The following TMEM272 variants were observed in gnomAD, a reference collection of about 807,000 sequenced individuals.
TMEM272 encodes transmembrane protein 272, also known as long intergenic non-protein coding RNA 282.
A neutral mutation model predicts 3.7 loss-of-function variants in TMEM272; 8 were observed. The ratio of observed to expected loss-of-function variants is 2.17; its 90% CI spans 1.27 to 3.91. TMEM272 has a LOEUF of 3.91. TMEM272 is among the 30% of genes most tolerant of loss of function. TMEM272 has a pLI of 0.00. For missense variants in TMEM272, 166 were observed against 91.5 expected, an observed-to-expected ratio of 1.81 and a Z score of -3.32; for synonymous variants, 63 against 39.8, an observed-to-expected ratio of 1.58 and a Z score of -2.20.
the TMEM272 span, among the ~76,000 whole-genome samples, chr13:51,882,739 T>C: frequency 1.3e-5 from 2 of 150,394 alleles, no homozygotes; most frequent in Admixed American, 6.6e-5. Context: ...AAAATAAATA[T>C]AATAAAAATA....
chr13:51,826,504 C>T (rs1284427490), intron 3 of TMEM272, 62 bp downstream of exon 3: 9 of 701,134 alleles, frequency 1.3e-5, no homozygotes, highest in East Asian at 2.7e-5. Flanking sequence ...AGATTACATG[C>T]CTTGGGTCCA....
chr13:51,826,925 A>G (rs1956130798), intron 2 of TMEM272, among the ~76,000 whole-genome samples: 2 of 152,218 alleles, frequency 1.3e-5, no homozygotes, highest in Non-Finnish European at 2.9e-5. Context: ...ATAAACTGCC[A>G]CTGTGCCCGT....
chr13:51,821,689 CA>C (rs1046041668), intron 4 of TMEM272, among the ~76,000 whole-genome samples: 5 of 131,276 alleles, frequency 3.8e-5, no homozygotes, highest in Non-Finnish European at 4.7e-5. Context: ...AAAAAAAAAG[CA>C]AAAAAAAAAA....
At chr13:51,872,949 A>T in the TMEM272 span, among the ~76,000 whole-genome samples, 1 of 152,186 alleles carries the variant, frequency 6.6e-6, no homozygotes, top group African/African-American at 2.4e-5. Flanking sequence ...CCCCACCAAA[A>T]TGTGGGAGTT....
At chr13:51,894,214 C>G in the TMEM272 span, among the ~76,000 whole-genome samples, 1 of 152,176 alleles carries the variant, frequency 6.6e-6, no homozygotes, top group African/African-American at 2.4e-5. Flanking sequence ...AGGACAGGGA[C>G]AGAAGTGGCT....
upstream of TMEM272, among the ~76,000 whole-genome samples, chr13:51,845,905 T>TA (rs1203432364): frequency 6.6e-6 from 1 of 152,230 alleles, no homozygotes; most frequent in Non-Finnish European, 1.5e-5. Flanking sequence ...GGACCACACT[T>TA]AGAGAAACTG....
At chr13:51,931,299 CAAAA>C in the TMEM272 span, among the ~76,000 whole-genome samples, 5 of 118,988 alleles carry the variant, frequency 4.2e-5, no homozygotes, top group Admixed American at 1.6e-4. Flanking sequence ...GAGTTCGTCT[CAAAA>C]AAAAAAAAAA....
At chr13:51,823,201 C>G (rs1414213690) in intron 3 of TMEM272, among the ~76,000 whole-genome samples, 1 of 152,264 alleles carries the variant, frequency 6.6e-6, no homozygotes, top group Non-Finnish European at 1.5e-5. Context: ...ACCTCAGCCT[C>G]CTGAGTATCT....
chr13:51,821,687 AGCAAAAAAAAAAAAAGCAGCAGC>A (rs1384775562), intron 4 of TMEM272, among the ~76,000 whole-genome samples: 1 of 119,182 alleles, frequency 8.4e-6, no homozygotes, highest in Non-Finnish European at 1.7e-5. Context: ...AAAAAAAAAA[AGCAAAAAAAAAAAAAGCAGCAGC>A]AGCAGCAGCG....
chr13:51,904,786 C>G, the TMEM272 span, among the ~76,000 whole-genome samples: 1 of 152,148 alleles, frequency 6.6e-6, no homozygotes, highest in Non-Finnish European at 1.5e-5. Context: ...TTCCAAAATC[C>G]TAAATCTAAA....
chr13:51,905,981 C>T, the TMEM272 span, among the ~76,000 whole-genome samples: 3 of 152,216 alleles, frequency 2.0e-5, no homozygotes, highest in Non-Finnish European at 4.4e-5. Flanking sequence ...AGCTCCACCA[C>T]TGCACAGCAG....
the TMEM272 span, among the ~76,000 whole-genome samples, chr13:51,880,355 G>T: frequency 6.6e-6 from 1 of 151,780 alleles, no homozygotes; most frequent in South Asian, 2.1e-4. Context: ...TGAAATACTT[G>T]AAGAGAACCT....
At chr13:51,902,828 T>G in the TMEM272 span, among the ~76,000 whole-genome samples, 1 of 152,270 alleles carries the variant, frequency 6.6e-6, no homozygotes, top group African/African-American at 2.4e-5. Context: ...TGGAGTAATT[T>G]ATTTTGAGAA....
the TMEM272 span, among the ~76,000 whole-genome samples, chr13:51,925,105 T>C: frequency 6.6e-6 from 1 of 152,214 alleles, no homozygotes; most frequent in African/African-American, 2.4e-5. Context: ...AAATTTCTCT[T>C]GCACTTAGAA....
chr13:51,875,997 G>C, the TMEM272 span, among the ~76,000 whole-genome samples: 10 of 152,170 alleles, frequency 6.6e-5, no homozygotes, highest in Admixed American at 1.3e-4. Context: ...TCTGCCTCTG[G>C]TCTGCTAGGT....
At chr13:51,889,258 A>G in the TMEM272 span, among the ~76,000 whole-genome samples, 1 of 152,212 alleles carries the variant, frequency 6.6e-6, no homozygotes, top group East Asian at 1.9e-4. Context: ...ACTTTTCCTC[A>G]TATCCCTTCT....
the TMEM272 span, among the ~76,000 whole-genome samples, chr13:51,924,996 T>C: frequency 6.6e-6 from 1 of 152,198 alleles, no homozygotes. Flanking sequence ...TAACAAGATC[T>C]GCTGGCAAGG....
the TMEM272 span, among the ~76,000 whole-genome samples, chr13:51,882,410 A>G: frequency 6.3e-3 from 959 of 152,368 alleles, 8 homozygotes; most frequent in African/African-American, 0.022. Flanking sequence ...AAGCAGTAGT[A>G]TCCCAAATAA....
At chr13:51,824,961 GCAAAAAGAAAGGTAACTAACCA>G (rs1475841196) in intron 3 of TMEM272, among the ~76,000 whole-genome samples, 1 of 152,090 alleles carries the variant, frequency 6.6e-6, no homozygotes, top group Non-Finnish European at 1.5e-5. Context: ...TCAAAAGAAA[GCAAAAAGAAAGGTAACTAACCA>G]CAGGGTCCAA....
Sources: allele counts gnomAD v4.1 joint callset (sites outside exome capture counted in the v4.1 genomes callset), GRCh38; gene constraint gnomAD v4.1.1; transcripts MANE v1.5; gene names NCBI Gene and HGNC (gene_info 2026-07-23, HGNC 2026-07-21).